The following CNTNAP2 variants were observed in gnomAD, a reference collection of about 807,000 sequenced individuals.
CNTNAP2 encodes contactin associated protein 2, also known as contactin-associated protein-like 2.
Under a neutral mutation model 155.2 loss-of-function variants are expected in CNTNAP2, and 98 were observed. The observed-to-expected ratio is 0.63, with a 90% CI of 0.54 to 0.75. The LOEUF is 0.75. CNTNAP2 is among the 30% of genes least tolerant of loss of function. The pLI is 0.00. For missense variants in CNTNAP2, 1,727 were observed against 1,688.1 expected (o/e 1.02, Z -0.40); for synonymous variants, 651 against 631.2 (o/e 1.03, Z -0.47).
At chr7:146,708,431 T>A (rs1342105989) in intron 1 of CNTNAP2, among the ~76,000 whole-genome samples, 2 of 152,088 alleles carry the variant, frequency 1.3e-5, no homozygotes, top group East Asian at 3.9e-4. Context: ...TGCTGAAGCT[T>A]AAATGCTTTA....
intron 3 of CNTNAP2, among the ~76,000 whole-genome samples, chr7:146,992,273 A>G (rs894983013): frequency 6.6e-6 from 1 of 152,210 alleles, no homozygotes; most frequent in Non-Finnish European, 1.5e-5. Context: ...GAGCGTTAGT[A>G]AAGATAGGAA....
At chr7:146,222,049 A>G (rs1440002212) in intron 1 of CNTNAP2, among the ~76,000 whole-genome samples, 11 of 152,206 alleles carry the variant, frequency 7.2e-5, no homozygotes, top group Admixed American at 7.2e-4. Flanking sequence ...GCATGTCAAG[A>G]AGGTGGAAAT....
At chr7:148,286,964 C>T (rs58724215) in intron 21 of CNTNAP2, among the ~76,000 whole-genome samples, 20,525 of 152,096 alleles carry the variant, frequency 0.13, 1,679 homozygotes, top group African/African-American at 0.23. Context: ...TCTCTTGGGC[C>T]GTACATTCTC....
chr7:147,955,658 C>T (rs911023723), intron 14 of CNTNAP2, among the ~76,000 whole-genome samples: 7 of 152,096 alleles, frequency 4.6e-5, no homozygotes, highest in African/African-American at 1.7e-4. Context: ...GAGGGCAACT[C>T]ACTGGCCTGC....
At chr7:146,284,261 G>A (rs1800293930) in intron 1 of CNTNAP2, among the ~76,000 whole-genome samples, 1 of 152,128 alleles carries the variant, frequency 6.6e-6, no homozygotes, top group East Asian at 1.9e-4. Context: ...AAAATATTCG[G>A]AGATGAGTAA....
chr7:147,730,126 T>C (rs1796713491), intron 13 of CNTNAP2, among the ~76,000 whole-genome samples: 1 of 152,122 alleles, frequency 6.6e-6, no homozygotes, highest in Non-Finnish European at 1.5e-5. Flanking sequence ...TCATTTATCT[T>C]CAATCTGTCC....
chr7:146,748,143 C>CTTTTCTTTTTTTTTTTTT (rs60181692), intron 1 of CNTNAP2, among the ~76,000 whole-genome samples: 2 of 97,996 alleles, frequency 2.0e-5, no homozygotes, highest in South Asian at 3.9e-4. Context: ...CTTTTCTTTT[C>CTTTTCTTTTTTTTTTTTT]TTTTTTTTTT....
intron 1 of CNTNAP2, among the ~76,000 whole-genome samples, chr7:146,463,370 C>T (rs1156256247): frequency 6.6e-6 from 1 of 151,976 alleles, no homozygotes; most frequent in African/African-American, 2.4e-5. Flanking sequence ...TCTCCTGCTA[C>T]CCCCATTAGT....
At chr7:147,004,800 A>G (rs141283323) in intron 3 of CNTNAP2, among the ~76,000 whole-genome samples, 1 of 152,220 alleles carries the variant, frequency 6.6e-6, no homozygotes, top group Non-Finnish European at 1.5e-5. Flanking sequence ...TACAGAATTA[A>G]TTAGCTTCTC....
intron 1 of CNTNAP2, among the ~76,000 whole-genome samples, chr7:146,261,108 C>T (rs566086078): frequency 3.9e-5 from 6 of 152,228 alleles, no homozygotes; most frequent in South Asian, 2.1e-4. Context: ...CCATGTCAGA[C>T]GTGCCTTGCT....
chr7:146,802,580 T>G (rs1333083151), intron 2 of CNTNAP2, among the ~76,000 whole-genome samples: 3 of 152,088 alleles, frequency 2.0e-5, no homozygotes, highest in African/African-American at 7.2e-5. Context: ...TGTTTAGAAG[T>G]GTGTAGCACA....
intron 9 of CNTNAP2, among the ~76,000 whole-genome samples, chr7:147,349,533 A>G (rs182484685): frequency 6.6e-6 from 1 of 152,040 alleles, no homozygotes; most frequent in African/African-American, 2.4e-5. Context: ...TAACCTGTCA[A>G]GATAGATAGA....
intron 1 of CNTNAP2, among the ~76,000 whole-genome samples, chr7:146,648,158 C>T (rs984041492): frequency 1.3e-5 from 2 of 152,176 alleles, no homozygotes; most frequent in African/African-American, 2.4e-5. Flanking sequence ...ACACAGACCA[C>T]TTCAGGGACT....
chr7:146,941,219 TC>T (rs1797049419), intron 3 of CNTNAP2, among the ~76,000 whole-genome samples: 1 of 152,166 alleles, frequency 6.6e-6, no homozygotes, highest in South Asian at 2.1e-4. Context: ...GGTGATTTTC[TC>T]TAGTGGTACA....
intron 13 of CNTNAP2, among the ~76,000 whole-genome samples, chr7:147,727,993 A>G (rs752214808): frequency 1.3e-5 from 2 of 152,110 alleles, no homozygotes; most frequent in South Asian, 2.1e-4. Context: ...TGGTGCACCT[A>G]GTGGTACAAA....
At chr7:146,610,378 G>A (rs574795647) in intron 1 of CNTNAP2, among the ~76,000 whole-genome samples, 1 of 150,322 alleles carries the variant, frequency 6.7e-6, no homozygotes, top group African/African-American at 2.4e-5. Flanking sequence ...AGGAGAACCT[G>A]CATGTTCGGA....
rs1034170979 is a variant in CNTNAP2 at position 147,128,815 on chromosome 7, G to A, written c.1062G>A (p.Lys354=). The A allele has an allele frequency of 3.1e-6, 5 of 1,613,898 alleles. No individual in the cohort carries two copies. The Admixed American group carries it at 5.0e-5, about 16-fold the overall frequency. ...ACATTACTGATCTTGCCAGAAGGAA[G>A]AAATTAGAGCCCTCAAATGTGGTAA... ...GVNITDLARR[K]KLEPSNVGNL... The change falls in exon 7 of 24, where the codon AAG becomes AAA. Residue 354 remains lysine (K), a synonymous_variant. Coordinates refer to ENST00000361727, the MANE Select transcript of CNTNAP2 (RefSeq NM_014141.6).
intron 8 of CNTNAP2, among the ~76,000 whole-genome samples, chr7:147,263,470 T>C (rs545392576): frequency 6.6e-6 from 1 of 152,336 alleles, no homozygotes; most frequent in African/African-American, 2.4e-5. Flanking sequence ...AGTTACCTAT[T>C]TTTAACTCCT....
intron 8 of CNTNAP2, among the ~76,000 whole-genome samples, chr7:147,204,314 A>G (rs892693783): frequency 6.6e-6 from 1 of 152,170 alleles, no homozygotes; most frequent in Non-Finnish European, 1.5e-5. Flanking sequence ...TTGCATTTAA[A>G]TTGAAGATGA....
Sources: gnomAD v4.1 joint callset for allele counts (sites outside exome capture counted in the v4.1 genomes callset) on GRCh38, gnomAD v4.1.1 for gene constraint, MANE v1.5 for transcripts, NCBI Gene and HGNC (gene_info 2026-07-23, HGNC 2026-07-21) for gene names.